The following GNL3L variants were observed in gnomAD, a reference collection of about 807,000 sequenced individuals.
GNL3L encodes the protein G protein nucleolar 3 like, also known as guanine nucleotide-binding protein-like 3-like protein.
Under a neutral mutation model 42.9 loss-of-function variants are expected in GNL3L, and 4 were observed. That is an observed-to-expected ratio of 0.09 (90% CI 0.05 to 0.21). The LOEUF (loss-of-function observed/expected upper bound fraction) is 0.21, where lower values mean the gene tolerates loss of function less well. Among genes scored for constraint, GNL3L ranks in the 10% least tolerant of loss-of-function variants. The probability of loss-of-function intolerance (pLI) is 1.00; values close to 1 mark genes in which losing one functional copy is unlikely to be tolerated. For missense variants in GNL3L, 412 were observed against 481.7 expected (o/e 0.86, Z 1.36); for synonymous variants, 159 against 176.3 (o/e 0.90, Z 0.78).
intron 16 of GNL3L, among the ~76,000 whole-genome samples, chrX:54,584,598 C>G (rs2147516944): frequency 9.0e-6 from 1 of 111,674 alleles, no homozygotes; most frequent in African/African-American, 3.2e-5. Context: ...TGTTGATTGC[C>G]CAGGTTGTTA....
At chrX:54,594,028 G>T (rs1925901072) in intron 16 of GNL3L, among the ~76,000 whole-genome samples, 1 of 111,448 alleles carries the variant, frequency 9.0e-6, no homozygotes, top group African/African-American at 3.3e-5. Context: ...ATAACATATG[G>T]TCTATCCTTG....
Position 54,612,470 on chromosome X carries a change from A to C in GNL3L, c.*46-8375A>C, listed in dbSNP as rs139475085. On this transcript the variant is annotated intron_variant, in intron 16 of 16. Transcript: ENST00000674498. Reference sequence around the variant, plus strand: ...TGCTTTTTGTTGCCCATGTACTTTGATTTTTTTGTTTTTTGTTTTTGCTTT... The same window carrying C: ...TGCTTTTTGTTGCCCATGTACTTTGCTTTTTTTGTTTTTTGTTTTTGCTTT... Among the ~76,000 whole-genome samples, 681 of 110,577 alleles carry C rather than the reference A, an allele frequency of 6.2e-3. 6 individuals carry two copies. The highest frequency in any genetic ancestry group is 0.022 in the African/African-American group (660 of 30,495).
chrX:54,607,343 G>T (rs1926110594), intron 16 of GNL3L, among the ~76,000 whole-genome samples: 1 of 100,780 alleles, frequency 9.9e-6, no homozygotes, highest in African/African-American at 3.6e-5. Context: ...AAGAAAAATT[G>T]CTCATTTTGA....
Position 54,575,964 on chromosome X carries a change from A to T in GNL3L, c.*45+15317A>T, listed in dbSNP as rs767086875. 7.1e-5 allele frequency among the ~76,000 whole-genome samples: 8 copies of T among 112,152 alleles called. No individual in the cohort carries two copies. The South Asian group carries it at 2.9e-3, about 41-fold the overall frequency. ...TGGCATTGAATATTATCTGTCTTGG[A>T]GAATGTTCCATATGCATTTGAGGAA... On this transcript the variant is annotated intron_variant, in intron 16 of 16. Transcript: ENST00000674498.
intron 16 of GNL3L, among the ~76,000 whole-genome samples, chrX:54,572,508 A>G (rs1439635344): frequency 2.7e-5 from 3 of 111,879 alleles, no homozygotes; most frequent in South Asian, 7.4e-4. Context: ...CCCGTTCTCA[A>G]TGAGCTGTTG....
At chrX:54,593,003 C>T (rs922955515) in intron 16 of GNL3L, among the ~76,000 whole-genome samples, 3 of 110,609 alleles carry the variant, frequency 2.7e-5, no homozygotes, top group Non-Finnish European at 3.8e-5. Context: ...CTTTTTAATG[C>T]GTTGTTGAAT....
chrX:54,551,787 C>T (rs1924948735), intron 11 of GNL3L, 45 bp downstream of exon 11: 1 of 1,208,826 alleles, frequency 8.3e-7, no homozygotes, highest in East Asian at 3.0e-5. Flanking sequence ...ACTCTAAGGG[C>T]CCTTCATTCC....
chrX:54,610,323 C>A (rs1469657480), intron 16 of GNL3L, among the ~76,000 whole-genome samples: 8 of 111,152 alleles, frequency 7.2e-5, no homozygotes, highest in Non-Finnish European at 1.3e-4. Flanking sequence ...TCCTCTTTAG[C>A]AATTTGGATG....
chrX:54,566,913 A>G lies in GNL3L; in HGVS notation c.*6311A>G, dbSNP rs1128486. ...CTCCGCCTCTTGAGTAGCTGGGACC[A>G]CAGGCATGTGCCACCATGGCTGTTA... On this transcript the variant is annotated 3_prime_UTR_variant, in exon 16 of 16. Coordinates refer to ENST00000360845, the MANE Select transcript of GNL3L (RefSeq NM_001184819.2). 6.2e-5 allele frequency among the ~76,000 whole-genome samples: 7 copies of G among 112,047 alleles called. No homozygotes were observed. The highest frequency in any genetic ancestry group is 2.3e-4 in the African/African-American group (7 of 30,836).
the GNL3L span, among the ~76,000 whole-genome samples, chrX:54,626,559 A>G: frequency 1.8e-5 from 2 of 111,862 alleles, no homozygotes; most frequent in East Asian, 5.6e-4. Flanking sequence ...TTGCTGAATC[A>G]TATGGTAGTT....
chrX:54,603,374 T>C (rs769206637), intron 16 of GNL3L, among the ~76,000 whole-genome samples: 4 of 111,769 alleles, frequency 3.6e-5, no homozygotes, highest in Non-Finnish European at 7.5e-5. Flanking sequence ...TTTGCAACCA[T>C]CATAGTAATA....
At chrX:54,636,535 C>A in the GNL3L span, among the ~76,000 whole-genome samples, 2 of 110,351 alleles carry the variant, frequency 1.8e-5, no homozygotes, top group South Asian at 8.0e-4. Context: ...CCCCCTCCCA[C>A]CTCTAGTAGT....
chrX:54,540,955 C>G (rs1176325509), intron 4 of GNL3L, among the ~76,000 whole-genome samples: 3 of 111,808 alleles, frequency 2.7e-5, no homozygotes, highest in Admixed American at 9.6e-5. Flanking sequence ...CCCTGCCCAG[C>G]CTTCTTCCTT....
Position 54,551,938 on chromosome X carries a change from A to G in GNL3L, c.1145A>G (p.Glu382Gly), listed in dbSNP as rs750540174. 2 of 1,212,091 alleles carry G rather than the reference A, an allele frequency of 1.7e-6. No homozygotes were observed. Among genetic ancestry groups the G allele is most frequent in the Non-Finnish European group, 2.2e-6 (2 of 895,463 alleles). ...AAGAAGGGAGGCTTATATAGTCAGG[A>G]ACAGGCGGCCAAAGCTGTCCTAGCT... is the stretch of plus-strand genomic sequence containing the variant. Reference protein sequence around the residue: ...KKKKGGLYSQEQAAKAVLADW... With the variant: ...KKKKGGLYSQGQAAKAVLADW... Residue 382 changes from glutamate to glycine, a missense_variant, in exon 12 of 16, where the codon GAA (glutamate) becomes GGA (glycine). Coordinates refer to ENST00000360845, the MANE Select transcript of GNL3L (RefSeq NM_001184819.2).
chrX:54,604,627 T>G (rs1283315145), intron 16 of GNL3L, among the ~76,000 whole-genome samples: 1 of 111,435 alleles, frequency 9.0e-6, no homozygotes, highest in Non-Finnish European at 1.9e-5. Context: ...TGAAGGTAGT[T>G]TAACATTGAC....
chrX:54,560,642 C>G lies in GNL3L; in HGVS notation c.*40C>G, dbSNP rs376455440. 2.5e-6 allele frequency: 2 copies of G among 787,475 alleles called. No individual in the cohort carries two copies. The highest frequency in any genetic ancestry group is 2.0e-5 in the African/African-American group (1 of 49,233). 64.9% of individuals were successfully genotyped at this position (787,475 alleles called of 1,213,427 possible). ...TTCCCTTCCGCTCCAAGCACCAGTT[C>G]CGGTGGTACGGGGGAATACCAGTGA... On this transcript the variant is annotated 3_prime_UTR_variant, in exon 16 of 16. Transcript: ENST00000360845.
the GNL3L span, among the ~76,000 whole-genome samples, chrX:54,633,821 G>C: frequency 8.9e-6 from 1 of 112,659 alleles, no homozygotes. Context: ...CTGAGATCTT[G>C]CCTCTGGCTG....
intron 15 of GNL3L, among the ~76,000 whole-genome samples, 193 bp from the exon 16 acceptor site, chrX:54,560,327 A>G (rs771266901): frequency 1.8e-5 from 2 of 111,928 alleles, no homozygotes; most frequent in South Asian, 7.4e-4. Flanking sequence ...CATTTCACAG[A>G]TAGAAAAATG....
At position 54,619,506 on chromosome X, in the gene GNL3L, T is replaced by G. The variant is rs1382191545; in HGVS notation, c.*46-1339T>G. Among the ~76,000 whole-genome samples, 21 of 93,205 alleles carry G rather than the reference T, an allele frequency of 2.3e-4. No homozygotes were observed. The Admixed American group carries it at 2.4e-3, about 11-fold the overall frequency. The allele number at this position is 93,205 out of a possible 115,157, so 80.9% of individuals were successfully genotyped here. ...AGTAGGGAGGATGGGGGCTTATACATTCTGTTTTGCGCAATTTTTTTTTTT... is the reference window on the plus strand; with the variant it reads ...AGTAGGGAGGATGGGGGCTTATACAGTCTGTTTTGCGCAATTTTTTTTTTT... On this transcript the variant is annotated intron_variant, in intron 16 of 16. Transcript: ENST00000674498.
Sources: gnomAD v4.1 joint callset for allele counts (sites outside exome capture counted in the v4.1 genomes callset) on GRCh38, gnomAD v4.1.1 for gene constraint, MANE v1.5 for transcripts, NCBI Gene and HGNC (gene_info 2026-07-23, HGNC 2026-07-21) for gene names.